Variants in ERC2 observed in about 807,000 individuals in gnomAD.
The protein encoded by ERC2 is ERC protein 2.
A neutral mutation model predicts 114.8 loss-of-function variants in ERC2; 42 were observed. The ratio of observed to expected loss-of-function variants is 0.37; its 90% CI spans 0.29 to 0.47. ERC2 has a LOEUF of 0.47. Ranked by LOEUF, ERC2 falls within the 20% of genes least tolerant of loss-of-function variation. The probability of loss-of-function intolerance (pLI) is 0.99; values close to 1 mark genes in which losing one functional copy is unlikely to be tolerated. For missense variants in ERC2, 939 were observed against 1,150.7 expected (o/e 0.82, Z 2.66); for synonymous variants, 454 against 425.5 (o/e 1.07, Z -0.82).
At chr3:56,037,446 A>T (rs1200794248) in intron 7 of ERC2, among the ~76,000 whole-genome samples, 4 of 152,202 alleles carry the variant, frequency 2.6e-5, no homozygotes, top group African/African-American at 9.7e-5. Context: ...CAGAAGAAAG[A>T]ATCTCAGAGC....
At chr3:56,115,903 T>TC (rs1560198698) in intron 6 of ERC2, among the ~76,000 whole-genome samples, 1 of 152,092 alleles carries the variant, frequency 6.6e-6, no homozygotes, top group Admixed American at 6.6e-5. Flanking sequence ...CCTGCTGTAA[T>TC]CCCTCCAGGG....
intron 2 of ERC2, among the ~76,000 whole-genome samples, chr3:56,426,776 G>C (rs1230044983): frequency 2.0e-5 from 3 of 152,224 alleles, no homozygotes; most frequent in Admixed American, 2.0e-4. Context: ...GTGAGGGAGA[G>C]AGATAAACGC....
intron 13 of ERC2, among the ~76,000 whole-genome samples, chr3:55,906,965 T>C (rs934716193): frequency 2.0e-5 from 3 of 152,184 alleles, no homozygotes; most frequent in Non-Finnish European, 4.4e-5. Flanking sequence ...TCTGTAGTGA[T>C]GGCCCAGATG....
intron 10 of ERC2, among the ~76,000 whole-genome samples, chr3:55,993,805 T>C (rs1348159676): frequency 6.6e-6 from 1 of 152,132 alleles, no homozygotes; most frequent in East Asian, 1.9e-4. Context: ...TGTTTCATTA[T>C]AATAGATTAT....
chr3:55,981,239 G>A (rs779013908), intron 12 of ERC2, among the ~76,000 whole-genome samples: 15 of 152,278 alleles, frequency 9.9e-5, no homozygotes, highest in East Asian at 3.9e-4. Flanking sequence ...AAAATCAGCC[G>A]ATTTCTGGCT....
intron 17 of ERC2, among the ~76,000 whole-genome samples, chr3:55,552,195 ATTTCCACAGTCTTAGAAAGAAG>A (rs2055255132): frequency 6.6e-6 from 1 of 152,054 alleles, no homozygotes; most frequent in African/African-American, 2.4e-5. Flanking sequence ...TTGTGAGACA[ATTTCCACAGTCTTAGAAAGAAG>A]TTTCCTCTAT....
intron 7 of ERC2, among the ~76,000 whole-genome samples, chr3:56,025,529 C>A (rs990118478): frequency 6.6e-6 from 1 of 152,180 alleles, no homozygotes; most frequent in African/African-American, 2.4e-5. Flanking sequence ...TATACAAAGG[C>A]CCTTGCCACA....
At chr3:55,817,472 G>A (rs1014964968) in intron 14 of ERC2, among the ~76,000 whole-genome samples, 8 of 152,158 alleles carry the variant, frequency 5.3e-5, no homozygotes, top group Non-Finnish European at 7.3e-5. Context: ...AGCTCATCAC[G>A]TCTAACCTCT....
rs569709253 is a variant in ERC2 at position 55,666,258 on chromosome 3, G to C, written c.*39+17536C>G. 1.2e-4 allele frequency among the ~76,000 whole-genome samples: 19 copies of C among 152,262 alleles called. No individual in the cohort carries two copies. In the South Asian group the frequency reaches 3.9e-3, roughly 32 times the overall value. On this transcript the variant is annotated intron_variant, in intron 17 of 17. Coordinates refer to ENST00000288221, the MANE Select transcript of ERC2 (RefSeq NM_015576.3). ...GGAGACCAGCAAGTTCAGATTTGCTGGGTTCTCAGTGGCAAGTATGTCACC... is the reference window on the plus strand; with the variant it reads ...GGAGACCAGCAAGTTCAGATTTGCTCGGTTCTCAGTGGCAAGTATGTCACC...
intron 15 of ERC2, among the ~76,000 whole-genome samples, chr3:55,731,461 G>T (rs1157192073): frequency 6.6e-6 from 1 of 152,198 alleles, no homozygotes; most frequent in Non-Finnish European, 1.5e-5. Flanking sequence ...CAAAGCACTT[G>T]GTTTACCTTT....
intron 14 of ERC2, among the ~76,000 whole-genome samples, chr3:55,759,053 A>C (rs1312006246): frequency 6.6e-6 from 1 of 152,136 alleles, no homozygotes; most frequent in African/African-American, 2.4e-5. Context: ...ATTTGGAATA[A>C]ATTTTTACTC....
intron 17 of ERC2, among the ~76,000 whole-genome samples, chr3:55,653,653 T>C (rs1253799864): frequency 5.3e-5 from 8 of 151,822 alleles, no homozygotes; most frequent in Admixed American, 3.9e-4. Context: ...AGTGCATAGA[T>C]GTGGGGATGT....
chr3:56,411,626 T>C (rs1427940411), intron 2 of ERC2, among the ~76,000 whole-genome samples: 2 of 152,108 alleles, frequency 1.3e-5, no homozygotes, highest in Non-Finnish European at 2.9e-5. Flanking sequence ...TTACATAGCA[T>C]TGTTCTCAGC....
chr3:56,304,805 T>C (rs983031655), intron 2 of ERC2, among the ~76,000 whole-genome samples: 19 of 152,188 alleles, frequency 1.2e-4, no homozygotes, highest in South Asian at 8.3e-4. Flanking sequence ...TTCTAAAAAT[T>C]GTTACAAACT....
chr3:55,532,074 C>T (rs1202878849), intron 17 of ERC2, among the ~76,000 whole-genome samples: 1 of 152,214 alleles, frequency 6.6e-6, no homozygotes, highest in East Asian at 1.9e-4. Context: ...GCTTGAGCTA[C>T]ATCACCCTTT....
chr3:55,855,380 A>T (rs1051304840), intron 14 of ERC2, among the ~76,000 whole-genome samples: 8 of 152,266 alleles, frequency 5.3e-5, no homozygotes, highest in Admixed American at 1.3e-4. Flanking sequence ...TTTGATTTAC[A>T]ACGCTGTTCA....
chr3:56,007,354 C>A (rs1268004259), intron 9 of ERC2, 33 bp from the exon 10 acceptor site: 5 of 1,568,954 alleles, frequency 3.2e-6, no homozygotes, highest in Non-Finnish European at 4.3e-6. Context: ...GAGTAAAACA[C>A]TGAAATTTCT....
At chr3:56,102,418 A>G (rs980463146) in intron 6 of ERC2, among the ~76,000 whole-genome samples, 5 of 152,218 alleles carry the variant, frequency 3.3e-5, no homozygotes, top group Non-Finnish European at 7.3e-5. Context: ...AGAAAAAAAC[A>G]AAACCAAAAA....
At chr3:56,124,995 T>G (rs767214219) in intron 6 of ERC2, among the ~76,000 whole-genome samples, 2 of 152,230 alleles carry the variant, frequency 1.3e-5, no homozygotes, top group Non-Finnish European at 2.9e-5. Flanking sequence ...TCTTACTCTA[T>G]TGTATTTCAT....
Sources: allele counts gnomAD v4.1 joint callset (sites outside exome capture counted in the v4.1 genomes callset), GRCh38; gene constraint gnomAD v4.1.1; transcripts MANE v1.5; gene names NCBI Gene and HGNC (gene_info 2026-07-23, HGNC 2026-07-21).